Variants in SCGB2B2 observed in about 807,000 individuals in gnomAD.
SCGB2B2 encodes the protein secretoglobin-like protein.
Under a neutral mutation model 7.6 loss-of-function variants are expected in SCGB2B2, and 11 were observed. The observed-to-expected ratio is 1.45, with a 90% confidence interval of 0.91 to 2.40. The LOEUF (loss-of-function observed/expected upper bound fraction) is 2.40. SCGB2B2 is among the 30% of genes most tolerant of loss of function. The pLI, the probability that SCGB2B2 is intolerant of heterozygous loss-of-function variation, is 0.00. For synonymous variants in SCGB2B2, 50 were observed against 48.6 expected (o/e 1.03, Z -0.12); for missense variants, 104 against 115.4 (o/e 0.90, Z 0.45).
chr19:34,594,652 CGT>C lies in SCGB2B2; in HGVS notation c.-91_-90del, dbSNP rs3055684. ...TATCTGAACAAGGCACATGCCTCTT[CGT>C]GTGTGTGTGTGTGTGTGTGTGTGTG... On this transcript the variant is annotated 5_prime_UTR_variant, in exon 2 of 4. It removes the in-frame stop codon of an upstream open reading frame in the 5' UTR. Transcript: ENST00000601241. The C allele has an allele frequency of 0.058, 37,773 of 652,998 alleles. 377 individuals carry two copies. Among genetic ancestry groups the C allele is most frequent in the African/African-American group, 0.065 (3,420 of 52,242 alleles). 40.5% of individuals were successfully genotyped at this position (652,998 alleles called of 1,614,324 possible).
chr19:34,624,210 T>C (rs1006156707), intron 1 of SCGB2B2, among the ~76,000 whole-genome samples: 7 of 152,120 alleles, frequency 4.6e-5, no homozygotes, highest in African/African-American at 1.7e-4. Flanking sequence ...ACAATTTGTC[T>C]CATGGAGGAA....
At chr19:34,586,796 T>C (rs1353766801), downstream of SCGB2B2, among the ~76,000 whole-genome samples, 1 of 152,238 alleles carries the variant, frequency 6.6e-6, no homozygotes, top group Non-Finnish European at 1.5e-5. Flanking sequence ...TAGTGAAATA[T>C]TCTCCTTGTC....
At chr19:34,615,513 G>A (rs952167243) in intron 1 of SCGB2B2, among the ~76,000 whole-genome samples, 1 of 149,766 alleles carries the variant, frequency 6.7e-6, no homozygotes, top group East Asian at 2.0e-4. Context: ...TGACTTTTCT[G>A]ATGCATTCCT....
intron 1 of SCGB2B2, among the ~76,000 whole-genome samples, chr19:34,655,759 A>G (rs976536262): frequency 6.6e-6 from 1 of 151,334 alleles, no homozygotes. Flanking sequence ...CAATAAGAAA[A>G]GTGAGAAACC....
intron 1 of SCGB2B2, among the ~76,000 whole-genome samples, chr19:34,598,177 C>T (rs938669939): frequency 4.6e-5 from 7 of 152,150 alleles, no homozygotes; most frequent in South Asian, 2.1e-4. Flanking sequence ...CTAGAGCTCC[C>T]GGACAGGGAG....
intron 1 of SCGB2B2, among the ~76,000 whole-genome samples, chr19:34,668,183 G>A (rs1411042831): frequency 6.6e-6 from 1 of 152,232 alleles, no homozygotes; most frequent in Non-Finnish European, 1.5e-5. Flanking sequence ...AGCTTGCAGG[G>A]AGGTCTGGAG....
chr19:34,650,805 G>C (rs1360862242), intron 1 of SCGB2B2, among the ~76,000 whole-genome samples: 1 of 151,290 alleles, frequency 6.6e-6, no homozygotes, highest in Admixed American at 6.6e-5. Flanking sequence ...CACAACAACA[G>C]AAAACTATAG....
At position 34,594,259 on chromosome 19, in the gene SCGB2B2, G is replaced by A; in HGVS notation, c.162C>T (p.Pro54=). The A allele has an allele frequency of 6.2e-7, 1 of 1,614,020 alleles. No homozygotes were observed. Among genetic ancestry groups the A allele is most frequent in the Non-Finnish European group, 8.5e-7 (1 of 1,179,882 alleles). ...KEELARYNPS[P]LTEESFLNVQ... ...CATTGAGGAAGGACTCCTCTGTCAGGGGACTGGGGTTGTAACGAGCAAGCT... is the reference window on the plus strand; with the variant it reads ...CATTGAGGAAGGACTCCTCTGTCAGAGGACTGGGGTTGTAACGAGCAAGCT... Residue 54 remains proline (P), a synonymous_variant, in exon 3 of 4, where the codon CCC becomes CCT. Transcript: ENST00000601241.
Position 34,612,889 on chromosome 19 carries a change from T to G in SCGB2B2, c.-2031-16295A>C, listed in dbSNP as rs138650484. ...TTGTCATACCCTCTTGGTATATTGA[T>G]TGATCTTTTACCATTTGATCCCGTA... On this transcript the variant is annotated intron_variant, in intron 1 of 3. Transcript: ENST00000601241. 3.1e-3 allele frequency among the ~76,000 whole-genome samples: 476 copies of G among 152,366 alleles called. 1 individual carries two copies. The highest frequency in any genetic ancestry group is 0.011 in the African/African-American group (456 of 41,596).
At chr19:34,603,605 T>C (rs1017259173) in intron 1 of SCGB2B2, among the ~76,000 whole-genome samples, 1 of 152,136 alleles carries the variant, frequency 6.6e-6, no homozygotes, top group African/African-American at 2.4e-5. Context: ...GAGAGCAATG[T>C]CATTGTTCCA....
At chr19:34,651,695 C>T (rs2067164785) in intron 1 of SCGB2B2, among the ~76,000 whole-genome samples, 1 of 151,132 alleles carries the variant, frequency 6.6e-6, no homozygotes, top group African/African-American at 2.5e-5. Flanking sequence ...GTGAAAATGA[C>T]CATGTTACCA....
At chr19:34,628,099 ATC>A (rs200847177) in intron 1 of SCGB2B2, among the ~76,000 whole-genome samples, 2,956 of 152,306 alleles carry the variant, frequency 0.019, 43 homozygotes, top group East Asian at 0.067. Flanking sequence ...ACATACCAGA[ATC>A]TCTGGGACAC....
Position 34,594,772 on chromosome 19 carries a change from C to G in SCGB2B2, c.-209G>C, listed in dbSNP as rs928776515. 3 of 600,938 alleles carry G rather than the reference C, an allele frequency of 5.0e-6. No individual in the cohort carries two copies. Among genetic ancestry groups the G allele is most frequent in the Non-Finnish European group, 9.2e-6 (3 of 327,514 alleles). 37.2% of individuals were successfully genotyped at this position (600,938 alleles called of 1,614,324 possible). On this transcript the variant is annotated 5_prime_UTR_variant, in exon 2 of 4. Transcript: ENST00000601241. ...CCATGCTGTTGGGGTGGCAGCGTAT[C>G]GGGAACTGGACTCAGCATGCAGTGG...
At chr19:34,631,276 A>G (rs2066526133) in intron 1 of SCGB2B2, among the ~76,000 whole-genome samples, 1 of 151,978 alleles carries the variant, frequency 6.6e-6, no homozygotes, top group Admixed American at 6.6e-5. Context: ...AAAAAAGAGA[A>G]ATTTGTAAAC....
At chr19:34,643,843 T>C (rs1187152367) in intron 1 of SCGB2B2, among the ~76,000 whole-genome samples, 1 of 151,590 alleles carries the variant, frequency 6.6e-6, no homozygotes, top group Non-Finnish European at 1.5e-5. Context: ...GTAGAACACC[T>C]GATGAAGATA....
chr19:34,656,815 C>T (rs1489849051), intron 1 of SCGB2B2, among the ~76,000 whole-genome samples: 1 of 150,870 alleles, frequency 6.6e-6, no homozygotes, highest in Non-Finnish European at 1.5e-5. Context: ...TGAAATTTAA[C>T]AATTTATGTA....
chr19:34,665,968 C>T (rs1421413912), intron 1 of SCGB2B2, among the ~76,000 whole-genome samples: 1 of 152,054 alleles, frequency 6.6e-6, no homozygotes, highest in Non-Finnish European at 1.5e-5. Flanking sequence ...GGAGGGCGGC[C>T]CTCTGCTCCC....
At chr19:34,660,466 T>C (rs2067421669) in intron 1 of SCGB2B2, among the ~76,000 whole-genome samples, 1 of 152,154 alleles carries the variant, frequency 6.6e-6, no homozygotes, top group East Asian at 1.9e-4. Flanking sequence ...CATCAAAAAG[T>C]GGGCAAAGGA....
chr19:34,669,922 C>A (rs914100340), intron 1 of SCGB2B2, among the ~76,000 whole-genome samples: 2 of 152,222 alleles, frequency 1.3e-5, no homozygotes, highest in Non-Finnish European at 2.9e-5. Context: ...TAGGCCACAG[C>A]CTTTATTGGG....
Sources: gnomAD v4.1 joint callset for allele counts (sites outside exome capture counted in the v4.1 genomes callset) on GRCh38, gnomAD v4.1.1 for gene constraint, MANE v1.5 for transcripts, NCBI Gene and HGNC (gene_info 2026-07-23, HGNC 2026-07-21) for gene names.